NOL4L: variants seen among roughly 807,000 people sequenced by gnomAD.
The protein encoded by NOL4L is nucleolar protein 4-like.
Under a neutral mutation model 64.5 loss-of-function variants are expected in NOL4L, and 7 were observed. The ratio of observed to expected loss-of-function variants is 0.11; its 90% CI spans 0.06 to 0.20. The LOEUF (loss-of-function observed/expected upper bound fraction) is 0.20, where lower values mean the gene tolerates loss of function less well. NOL4L is among the 10% of genes least tolerant of loss of function. The pLI, the probability that NOL4L is intolerant of heterozygous loss-of-function variation, is 1.00. For missense variants in NOL4L, 680 were observed against 967.1 expected (o/e 0.70, Z 3.94); for synonymous variants, 413 against 401.0 (o/e 1.03, Z -0.36).
chr20:32,511,202 C>A lies in NOL4L; in HGVS notation c.699+145G>T, dbSNP rs976332570. On this transcript the variant is annotated intron_variant, in intron 4 of 10. Coordinates refer to ENST00000621426, the MANE Select transcript of NOL4L (RefSeq NM_001256798.2). ...ACATTCTTGCCTCCCGCCTCTCCGC[C>A]TGGACAACCCAGATAACCAGATAAG... The A allele has an allele frequency of 1.0e-5, 6 of 578,168 alleles. No individual in the cohort carries two copies. The African/African-American group carries it at 1.1e-4, about 11-fold the overall frequency. 35.8% of individuals were successfully genotyped at this position (578,168 alleles called of 1,614,324 possible). A position where few individuals can be genotyped will look rare whatever the true frequency, so the allele number is the denominator to read the frequency against.
intron 4 of NOL4L, among the ~76,000 whole-genome samples, chr20:32,485,130 CTCTGGT>C (rs1423373918): frequency 2.8e-5 from 4 of 143,800 alleles, no homozygotes; most frequent in African/African-American, 1.0e-4. Flanking sequence ...CTCCTGATTC[CTCTGGT>C]CGCATCCGAA....
rs113466346 is a variant in NOL4L at position 32,556,651 on chromosome 20, C to T, written c.321+27919G>A. On this transcript the variant is annotated intron_variant, in intron 1 of 10. Coordinates refer to ENST00000621426, the MANE Select transcript of NOL4L (RefSeq NM_001256798.2). ...ACTCTGGCCTGGTCCCATCTCCAGG[C>T]ATATCAGCGAAGGCATCTGGTGACA... Among the ~76,000 whole-genome samples the T allele has an allele frequency of 4.0e-3, 603 of 152,348 alleles. 4 individuals are homozygous for T. Among genetic ancestry groups the T allele is most frequent in the Middle Eastern group, 0.017 (5 of 294 alleles).
intron 4 of NOL4L, among the ~76,000 whole-genome samples, chr20:32,484,520 CG>C (rs1224174930): frequency 6.6e-6 from 1 of 151,944 alleles, no homozygotes; most frequent in Non-Finnish European, 1.5e-5. Flanking sequence ...CCCGAGTGTC[CG>C]GGAGGCGCTC....
intron 4 of NOL4L, among the ~76,000 whole-genome samples, chr20:32,494,764 G>A (rs551503576): frequency 6.6e-6 from 1 of 152,330 alleles, no homozygotes; most frequent in East Asian, 1.9e-4. Flanking sequence ...GCAATAGCAG[G>A]CAACTTGCAA....
intron 4 of NOL4L, chr20:32,486,951 T>C (rs2016113860): frequency 2.9e-6 from 1 of 346,012 alleles, no homozygotes; most frequent in South Asian, 2.4e-5. Context: ...TTGTCACTAA[T>C]TGACTTTCTA....
At position 32,447,317 on chromosome 20, in the gene NOL4L, C is replaced by T. The variant is rs759230082; in HGVS notation, c.*279G>A. The T allele has an allele frequency of 3.5e-5, 21 of 608,070 alleles. No individual in the cohort carries two copies. The highest frequency in any genetic ancestry group is 2.8e-4 in the African/African-American group (15 of 54,348). 37.7% of individuals were successfully genotyped at this position (608,070 alleles called of 1,614,324 possible). Reference sequence around the variant, plus strand: ...ATTCTAAACAGAGCTGCAGCCCCAGCGCCTTGTCAGGGGAGCCCCCAACCC... The same window carrying T: ...ATTCTAAACAGAGCTGCAGCCCCAGTGCCTTGTCAGGGGAGCCCCCAACCC... On this transcript the variant is annotated 3_prime_UTR_variant, in exon 11 of 11. Coordinates refer to ENST00000621426, the MANE Select transcript of NOL4L (RefSeq NM_001256798.2).
At chr20:32,536,808 G>GGT (rs1338825467) in intron 1 of NOL4L, among the ~76,000 whole-genome samples, 1 of 119,012 alleles carries the variant, frequency 8.4e-6, no homozygotes, top group Non-Finnish European at 1.8e-5. Flanking sequence ...GTGGGGGGGG[G>GGT]GGGGCGCACC....
chr20:32,490,189 T>G (rs2016412055), intron 4 of NOL4L, among the ~76,000 whole-genome samples: 1 of 150,432 alleles, frequency 6.6e-6, no homozygotes, highest in South Asian at 2.1e-4. Flanking sequence ...ATTATGTATA[T>G]ATATGTTTTC....
At chr20:32,529,889 G>A (rs759280599) in intron 1 of NOL4L, among the ~76,000 whole-genome samples, 3 of 152,180 alleles carry the variant, frequency 2.0e-5, no homozygotes, top group Non-Finnish European at 2.9e-5. Flanking sequence ...CAACCTCCCC[G>A]AGCTTCATTT....
Position 32,489,277 on chromosome 20 carries a change from C to T in NOL4L, c.700-14535G>A, listed in dbSNP as rs138222279. 2.5e-4 allele frequency among the ~76,000 whole-genome samples: 38 copies of T among 151,968 alleles called. 1 individual carries two copies. The East Asian group carries it at 7.2e-3, about 29-fold the overall frequency. On this transcript the variant is annotated intron_variant, in intron 4 of 10. Coordinates refer to ENST00000621426, the MANE Select transcript of NOL4L (RefSeq NM_001256798.2). ...TCTTTATTCCATCTTTTATTTATCT[C>T]AATATAAGTAATGAAGTGGGGATCT... is the stretch of plus-strand genomic sequence containing the variant.
At chr20:32,539,472 A>C (rs1375991453) in intron 1 of NOL4L, among the ~76,000 whole-genome samples, 1 of 152,154 alleles carries the variant, frequency 6.6e-6, no homozygotes, top group Non-Finnish European at 1.5e-5. Context: ...AAATGGGTTC[A>C]GGATCTCAAG....
At chr20:32,528,990 C>A (rs1355454129) in intron 1 of NOL4L, among the ~76,000 whole-genome samples, 1 of 152,260 alleles carries the variant, frequency 6.6e-6, no homozygotes, top group Non-Finnish European at 1.5e-5. Context: ...ATGTCAGCAA[C>A]AAGAGGATGT....
chr20:32,449,266 C>T (rs536967060), intron 10 of NOL4L, among the ~76,000 whole-genome samples: 22 of 152,326 alleles, frequency 1.4e-4, no homozygotes, highest in East Asian at 3.9e-4. Context: ...TTATCTTCCA[C>T]GGGGGTGTGA....
At chr20:32,523,525 G>A (rs1208862063) in intron 2 of NOL4L, among the ~76,000 whole-genome samples, 13 of 152,214 alleles carry the variant, frequency 8.5e-5, no homozygotes, top group African/African-American at 2.4e-4. Flanking sequence ...AGAATGAGTC[G>A]AAACCAGGAG....
At chr20:32,489,500 A>G (rs1220729320) in intron 4 of NOL4L, among the ~76,000 whole-genome samples, 1 of 152,024 alleles carries the variant, frequency 6.6e-6, no homozygotes, top group Non-Finnish European at 1.5e-5. Flanking sequence ...AATTACAGGC[A>G]TGTGCCACTG....
intron 3 of NOL4L, among the ~76,000 whole-genome samples, chr20:32,519,180 C>T (rs2017813845): frequency 6.6e-6 from 1 of 152,174 alleles, no homozygotes; most frequent in South Asian, 2.1e-4. Context: ...CCATTCCTGC[C>T]CCTCGTGCTT....
intron 9 of NOL4L, 133 bp from the exon 10 acceptor site, chr20:32,452,570 A>G: frequency 2.3e-6 from 2 of 888,628 alleles, no homozygotes; most frequent in Admixed American, 6.0e-5. Context: ...GACCTGTGGG[A>G]TTCTGTCTGT....
rs1470579934 is a variant in NOL4L, at chr20:32,527,824, A to G, written c.411T>C (p.His137=). The G allele has an allele frequency of 1.5e-5, 24 of 1,550,436 alleles. No homozygotes were observed. Among genetic ancestry groups the G allele is most frequent in the Non-Finnish European group, 2.0e-5 (23 of 1,146,968 alleles). Residue 137 remains histidine, a synonymous_variant, in exon 2 of 11, where the codon CAT becomes CAC. Transcript: ENST00000621426. ...EDFFDIIYSM[H]VESSAEPGKA... is the part of the protein sequence containing the mutation. ...TGCCTGGCTCCGCTGAGCTCTCCACATGCATCGAGTAGATGATGTCAAAGA... is the reference window on the plus strand; with the variant it reads ...TGCCTGGCTCCGCTGAGCTCTCCACGTGCATCGAGTAGATGATGTCAAAGA...
intron 1 of NOL4L, among the ~76,000 whole-genome samples, chr20:32,547,471 T>G (rs910477931): frequency 6.6e-6 from 1 of 151,970 alleles, no homozygotes; most frequent in Non-Finnish European, 1.5e-5. Flanking sequence ...TGTATTTTTT[T>G]GTACAGACAG....
Sources: allele counts gnomAD v4.1 joint callset (sites outside exome capture counted in the v4.1 genomes callset), GRCh38; gene constraint gnomAD v4.1.1; transcripts MANE v1.5; gene names NCBI Gene and HGNC (gene_info 2026-07-23, HGNC 2026-07-21).